KCNH7: variants seen among roughly 807,000 people sequenced by gnomAD.
KCNH7 encodes the protein voltage-gated inwardly rectifying potassium channel KCNH7.
In KCNH7, 49 loss-of-function variants were observed where a neutral mutation model predicts 120.8. The observed-to-expected ratio is 0.41, with a 90% confidence interval of 0.32 to 0.51. KCNH7 has a LOEUF of 0.51. Among genes scored for constraint, KCNH7 ranks in the 20% least tolerant of loss-of-function variants. KCNH7 has a pLI of 0.38. For missense variants in KCNH7, 1,097 were observed against 1,446.6 expected (o/e 0.76, Z 3.92); for synonymous variants, 547 against 516.1 (o/e 1.06, Z -0.81).
intron 2 of KCNH7, among the ~76,000 whole-genome samples, chr2:162,632,091 G>A (rs888184626): frequency 2.6e-5 from 4 of 151,886 alleles, no homozygotes; most frequent in Admixed American, 1.3e-4. Flanking sequence ...AAAGCTGCCC[G>A]TATTTGGAGA....
intron 2 of KCNH7, among the ~76,000 whole-genome samples, chr2:162,551,603 G>A (rs947310144): frequency 5.9e-5 from 9 of 151,856 alleles, no homozygotes; most frequent in Non-Finnish European, 1.2e-4. Context: ...TATACTAAGG[G>A]AAAAAGAGGA....
At chr2:162,563,760 T>C (rs1033855653) in intron 2 of KCNH7, among the ~76,000 whole-genome samples, 3 of 152,216 alleles carry the variant, frequency 2.0e-5, no homozygotes, top group Non-Finnish European at 4.4e-5. Flanking sequence ...AGTGACTTCA[T>C]GGCATTGTCT....
chr2:162,714,836 A>T (rs1209655169), intron 2 of KCNH7, among the ~76,000 whole-genome samples: 2 of 152,192 alleles, frequency 1.3e-5, no homozygotes, highest in Non-Finnish European at 2.9e-5. Flanking sequence ...TTCTTTTTTC[A>T]ATCGTTTAAA....
intron 2 of KCNH7, among the ~76,000 whole-genome samples, chr2:162,768,296 C>T (rs16847259): frequency 0.28 from 42,562 of 151,784 alleles, 6,906 homozygotes; most frequent in African/African-American, 0.45. Flanking sequence ...GGAGAAAGGC[C>T]TCAAATTGTA....
intron 2 of KCNH7, among the ~76,000 whole-genome samples, chr2:162,823,591 CAT>C (rs1343928651): frequency 6.6e-6 from 1 of 152,162 alleles, no homozygotes; most frequent in Admixed American, 6.5e-5. Flanking sequence ...TATACTATAA[CAT>C]AGTCTTTATT....
At chr2:162,418,421 A>T (rs1558934828) in intron 9 of KCNH7, among the ~76,000 whole-genome samples, 1 of 152,172 alleles carries the variant, frequency 6.6e-6, no homozygotes, top group Non-Finnish European at 1.5e-5. Context: ...AGTAAGGGAG[A>T]TGAAAGCTAT....
rs528315111 is a variant in KCNH7, at chr2:162,482,376, G to A, written c.1128+22067C>T. Among the ~76,000 whole-genome samples the A allele has an allele frequency of 3.3e-5, 5 of 152,204 alleles. No homozygotes were observed. The East Asian group carries it at 9.7e-4, about 29-fold the overall frequency. On this transcript the variant is annotated intron_variant, in intron 6 of 15. Coordinates refer to ENST00000332142, the MANE Select transcript of KCNH7 (RefSeq NM_033272.4). ...GTAAGAATACAGTGATAGGGAAGAG[G>A]GAAAGTAGTGAAAGAGCACTTTGGG...
chr2:162,436,579 A>G (rs1558944327), intron 7 of KCNH7, among the ~76,000 whole-genome samples: 1 of 152,172 alleles, frequency 6.6e-6, no homozygotes, highest in Non-Finnish European at 1.5e-5. Flanking sequence ...AATGTCAACT[A>G]TAAGTACTAT....
chr2:162,820,209 T>TTG (rs71410049), intron 2 of KCNH7, among the ~76,000 whole-genome samples: 3,578 of 99,676 alleles, frequency 0.036, 79 homozygotes, highest in East Asian at 0.045. Flanking sequence ...CCGGCTAATT[T>TTG]TGTGTGTGTG....
chr2:162,558,671 C>T (rs1363904264), intron 2 of KCNH7, among the ~76,000 whole-genome samples: 1 of 151,664 alleles, frequency 6.6e-6, no homozygotes. Flanking sequence ...TGGTGCTCAC[C>T]ATGTTTAATT....
rs140725244 is a variant in KCNH7 at position 162,549,669 on chromosome 2, A to G, written c.308-12589T>C. ...CTGGTAAGATTATAACAGACAGTAT[A>G]AAACCATTAGCAAAGCTGACCTATC... On this transcript the variant is annotated intron_variant, in intron 2 of 15. Coordinates refer to ENST00000332142, the MANE Select transcript of KCNH7 (RefSeq NM_033272.4). Among the ~76,000 whole-genome samples the G allele has an allele frequency of 3.4e-4, 52 of 152,350 alleles. No homozygotes were observed. In the East Asian group the frequency reaches 9.3e-3, roughly 27 times the overall value.
intron 6 of KCNH7, among the ~76,000 whole-genome samples, chr2:162,478,541 T>C (rs1212053293): frequency 6.6e-6 from 1 of 152,202 alleles, no homozygotes; most frequent in African/African-American, 2.4e-5. Flanking sequence ...TATAATCTTA[T>C]AGGCTAGATA....
chr2:162,407,888 C>T (rs1047545876), intron 9 of KCNH7, among the ~76,000 whole-genome samples: 2 of 152,036 alleles, frequency 1.3e-5, no homozygotes, highest in Non-Finnish European at 1.5e-5. Flanking sequence ...TAAAAACCAA[C>T]ATGTACTTAA....
chr2:162,764,829 A>G (rs1210453797), intron 2 of KCNH7, among the ~76,000 whole-genome samples: 12 of 152,194 alleles, frequency 7.9e-5, no homozygotes, highest in Non-Finnish European at 1.6e-4. Flanking sequence ...ATGAAGCATC[A>G]TACATACATT....
At chr2:162,787,856 A>G (rs541739536) in intron 2 of KCNH7, among the ~76,000 whole-genome samples, 2 of 152,164 alleles carry the variant, frequency 1.3e-5, no homozygotes, top group South Asian at 4.2e-4. Flanking sequence ...CCAGTGAACC[A>G]AGGCTCCAGG....
chr2:162,609,748 G>C (rs953533241), intron 2 of KCNH7, among the ~76,000 whole-genome samples: 2 of 152,116 alleles, frequency 1.3e-5, no homozygotes, highest in Non-Finnish European at 2.9e-5. Context: ...GAGTGGAGAG[G>C]CTCCCAAAAG....
At chr2:162,690,431 T>C (rs1415438134) in intron 2 of KCNH7, among the ~76,000 whole-genome samples, 1 of 152,144 alleles carries the variant, frequency 6.6e-6, no homozygotes, top group Non-Finnish European at 1.5e-5. Flanking sequence ...TTGACTCAAG[T>C]AAAGGAAATG....
chr2:162,664,922 C>T (rs934632996), intron 2 of KCNH7, among the ~76,000 whole-genome samples: 9 of 152,102 alleles, frequency 5.9e-5, no homozygotes, highest in South Asian at 2.1e-4. Flanking sequence ...AGGGCTAAAA[C>T]TTGTTTACAT....
intron 2 of KCNH7, among the ~76,000 whole-genome samples, chr2:162,634,401 G>C (rs979158522): frequency 1.3e-5 from 2 of 151,932 alleles, no homozygotes; most frequent in Non-Finnish European, 2.9e-5. Flanking sequence ...GGGACATATT[G>C]ACAAAGGGCA....
Sources: allele counts gnomAD v4.1 joint callset (sites outside exome capture counted in the v4.1 genomes callset), GRCh38; gene constraint gnomAD v4.1.1; transcripts MANE v1.5; gene names NCBI Gene and HGNC (gene_info 2026-07-23, HGNC 2026-07-21).